Variants in RBMS3 observed in about 807,000 individuals in gnomAD.
RBMS3 encodes the protein RNA-binding motif, single-stranded-interacting protein 3.
In RBMS3, 27 loss-of-function variants were observed where a neutral mutation model predicts 66.8. The ratio of observed to expected loss-of-function variants is 0.40; its 90% CI spans 0.30 to 0.56. RBMS3 has a LOEUF of 0.56. Among genes scored for constraint, RBMS3 ranks in the 20% least tolerant of loss-of-function variants. The probability of loss-of-function intolerance (pLI) is 0.40; values close to 1 mark genes in which losing one functional copy is unlikely to be tolerated. For missense variants in RBMS3, 513 were observed against 549.5 expected (o/e 0.93, Z 0.66); for synonymous variants, 188 against 183.0 (o/e 1.03, Z -0.22).
chr3:29,632,163 G>T (rs1042208102), intron 4 of RBMS3, among the ~76,000 whole-genome samples: 38 of 151,858 alleles, frequency 2.5e-4, no homozygotes, highest in African/African-American at 8.7e-4. Context: ...TTTGAGTAGA[G>T]AAAAATACTA....
At chr3:29,388,084 G>GACACACAC (rs55679426) in intron 1 of RBMS3, among the ~76,000 whole-genome samples, 70 of 147,050 alleles carry the variant, frequency 4.8e-4, no homozygotes, top group African/African-American at 1.7e-3. Context: ...CACACACACA[G>GACACACAC]ACACACACAC....
At chr3:29,350,577 C>A (rs1353557456) in intron 1 of RBMS3, among the ~76,000 whole-genome samples, 1 of 152,122 alleles carries the variant, frequency 6.6e-6, no homozygotes, top group Admixed American at 6.5e-5. Context: ...ACAGGGGCCA[C>A]AGAGATGGAG....
In RBMS3 at chr3:29,960,926, A is replaced by G. The variant is rs374289992; in HGVS notation, c.1098+16672A>G. 5.9e-5 allele frequency among the ~76,000 whole-genome samples: 9 copies of G among 152,230 alleles called. No individual in the cohort carries two copies. In the South Asian group the frequency reaches 1.7e-3, roughly 28 times the overall value. On this transcript the variant is annotated intron_variant, in intron 12 of 14. Coordinates refer to ENST00000383767, the MANE Select transcript of RBMS3 (RefSeq NM_001003793.3). ...TGGTCCTGTGATGAGAGGGGCTGCTATGTAGACCTCTGACATGCCCTGGAG... is the reference window on the plus strand; with the variant it reads ...TGGTCCTGTGATGAGAGGGGCTGCTGTGTAGACCTCTGACATGCCCTGGAG...
At chr3:29,828,715 T>C (rs2058273199) in intron 6 of RBMS3, among the ~76,000 whole-genome samples, 1 of 152,178 alleles carries the variant, frequency 6.6e-6, no homozygotes, top group African/African-American at 2.4e-5. Flanking sequence ...AGGTAACAGA[T>C]GTTGGATTGG....
chr3:29,967,524 T>C (rs1213591175), intron 12 of RBMS3, among the ~76,000 whole-genome samples: 1 of 152,134 alleles, frequency 6.6e-6, no homozygotes, highest in Non-Finnish European at 1.5e-5. Flanking sequence ...CTTGATCTCC[T>C]GACCTCGTGA....
At chr3:29,717,841 T>G (rs569392804) in intron 4 of RBMS3, among the ~76,000 whole-genome samples, 1 of 152,238 alleles carries the variant, frequency 6.6e-6, no homozygotes, top group South Asian at 2.1e-4. Context: ...GATCTCTTCA[T>G]TATGCCCCGT....
chr3:29,917,484 C>T (rs2060667380), intron 10 of RBMS3, among the ~76,000 whole-genome samples: 1 of 152,100 alleles, frequency 6.6e-6, no homozygotes. Context: ...TGTATAGTCC[C>T]TGTCTTTATG....
intron 6 of RBMS3, among the ~76,000 whole-genome samples, chr3:29,806,630 A>G (rs2057556353): frequency 6.6e-6 from 1 of 151,966 alleles, no homozygotes; most frequent in Non-Finnish European, 1.5e-5. Flanking sequence ...AAAACTAGGA[A>G]GATAAAGGTT....
chr3:29,682,934 C>T (rs2051560121), intron 4 of RBMS3, among the ~76,000 whole-genome samples: 1 of 152,192 alleles, frequency 6.6e-6, no homozygotes, highest in Admixed American at 6.5e-5. Flanking sequence ...TCTTCCTATG[C>T]AAAGTGTACA....
intron 12 of RBMS3, among the ~76,000 whole-genome samples, chr3:29,946,526 T>G (rs1695326780): frequency 6.6e-6 from 1 of 151,686 alleles, no homozygotes; most frequent in African/African-American, 2.4e-5. Flanking sequence ...AGACCCCTGA[T>G]TAAAATATTA....
At chr3:29,452,578 A>C (rs1157032191) in intron 2 of RBMS3, among the ~76,000 whole-genome samples, 1 of 152,244 alleles carries the variant, frequency 6.6e-6, no homozygotes, top group Non-Finnish European at 1.5e-5. Flanking sequence ...GTTGTTTGGT[A>C]TATTTTGCGA....
In RBMS3 at chr3:29,939,719, A is replaced by G. The variant is rs144853992; in HGVS notation, c.1050+3523A>G. On this transcript the variant is annotated intron_variant, in intron 11 of 14. Transcript: ENST00000383767. ...TTGGTAAGCCAGAGCTTCATTTTTA[A>G]CATACTTATGCCACATGATTTTCGT... Among the ~76,000 whole-genome samples the G allele has an allele frequency of 8.2e-4, 124 of 151,866 alleles. 1 individual carries two copies. Among genetic ancestry groups the G allele is most frequent in the Non-Finnish European group, 1.4e-3 (93 of 67,860 alleles).
intron 5 of RBMS3, among the ~76,000 whole-genome samples, chr3:29,760,505 A>G (rs1345622334): frequency 1.3e-5 from 2 of 152,086 alleles, no homozygotes; most frequent in Non-Finnish European, 1.5e-5. Flanking sequence ...ATAAAGTAAC[A>G]TCTGTAGTAA....
chr3:29,856,442 G>C (rs957744174), intron 6 of RBMS3, among the ~76,000 whole-genome samples: 2 of 148,866 alleles, frequency 1.3e-5, no homozygotes, highest in Non-Finnish European at 2.9e-5. Flanking sequence ...TGTGGAAAGT[G>C]AGATGCACAC....
intron 1 of RBMS3, among the ~76,000 whole-genome samples, chr3:29,339,735 T>C (rs2036172605): frequency 6.6e-6 from 1 of 152,114 alleles, no homozygotes; most frequent in Admixed American, 6.6e-5. Context: ...TATTCACAAG[T>C]CTCAGAAGTT....
intron 1 of RBMS3, among the ~76,000 whole-genome samples, chr3:29,303,967 AT>A (rs753217342): frequency 1.3e-5 from 2 of 151,936 alleles, no homozygotes; most frequent in Non-Finnish European, 2.9e-5. Flanking sequence ...ATCAGCTCTC[AT>A]GAGACTTATT....
At chr3:29,833,931 G>GA (rs947338465) in intron 6 of RBMS3, among the ~76,000 whole-genome samples, 53 of 151,468 alleles carry the variant, frequency 3.5e-4, no homozygotes, top group Admixed American at 1.5e-3. Context: ...AAAGCGCCAA[G>GA]AAAAAAAACA....
chr3:29,309,627 C>T (rs2196551), intron 1 of RBMS3, among the ~76,000 whole-genome samples: 62,724 of 150,734 alleles, frequency 0.42, 14,078 homozygotes, highest in African/African-American at 0.59. Flanking sequence ...GCGGTGGTGG[C>T]GGTGGTGAGA....
chr3:29,488,375 T>C, intron 2 of RBMS3, 66 bp from the exon 3 acceptor site: 1 of 1,369,764 alleles, frequency 7.3e-7, no homozygotes, highest in Non-Finnish European at 1.0e-6. Context: ...CGATGTTCAT[T>C]AGAGTGTTTT....
Sources: allele counts gnomAD v4.1 joint callset (sites outside exome capture counted in the v4.1 genomes callset), GRCh38; gene constraint gnomAD v4.1.1; transcripts MANE v1.5; gene names NCBI Gene and HGNC (gene_info 2026-07-23, HGNC 2026-07-21).